The following CACNA1C variants were observed in gnomAD, a reference collection of about 807,000 sequenced individuals.
CACNA1C encodes calcium voltage-gated channel subunit alpha1 C, also known as voltage-dependent L-type calcium channel subunit alpha-1C.
A neutral mutation model predicts 229.0 loss-of-function variants in CACNA1C; 30 were observed. That is an observed-to-expected ratio of 0.13 (90% confidence interval 0.10 to 0.18). The LOEUF (loss-of-function observed/expected upper bound fraction) is 0.18, where lower values mean the gene tolerates loss of function less well. CACNA1C is among the 10% of genes least tolerant of loss of function. CACNA1C has a pLI of 1.00. For missense variants in CACNA1C, 1,658 were observed against 2,845.0 expected (o/e 0.58, Z 9.49); for synonymous variants, 1,114 against 1,132.5 (o/e 0.98, Z 0.33).
intron 5 of CACNA1C, among the ~76,000 whole-genome samples, chr12:2,475,650 A>G (rs2099623101): frequency 6.6e-6 from 1 of 152,238 alleles, no homozygotes; most frequent in Admixed American, 6.5e-5. Flanking sequence ...AACTAGAGAG[A>G]GGGCAGGGAA....
At chr12:2,430,600 C>T (rs562645611) in intron 3 of CACNA1C, among the ~76,000 whole-genome samples, 35 of 152,262 alleles carry the variant, frequency 2.3e-4, no homozygotes, top group African/African-American at 8.2e-4. Flanking sequence ...ATGTATGAGA[C>T]CCAATGCTGG....
intron 28 of CACNA1C, 135 bp from the exon 29 acceptor site, chr12:2,611,768 T>C: frequency 1.7e-6 from 1 of 605,708 alleles, no homozygotes. Flanking sequence ...CACGGAGAGG[T>C]GGGCGGCCCT....
At chr12:2,231,001 G>A (rs1261522032) in intron 3 of CACNA1C, among the ~76,000 whole-genome samples, 1 of 152,190 alleles carries the variant, frequency 6.6e-6, no homozygotes, top group African/African-American at 2.4e-5. Flanking sequence ...TTGCCACGCG[G>A]ACTATTGGGA....
rs538100334 is a variant in CACNA1C, at chr12:2,315,664, G to A, written c.478-133312G>A. 3.9e-5 allele frequency among the ~76,000 whole-genome samples: 6 copies of A among 152,316 alleles called. No individual in the cohort carries two copies. The South Asian group carries it at 1.2e-3, about 32-fold the overall frequency. On this transcript the variant is annotated intron_variant, in intron 3 of 46. Coordinates refer to ENST00000399655, the MANE Select transcript of CACNA1C (RefSeq NM_000719.7). ...CCATCCTCCCTTGAAGGGCTTGGGG[G>A]AAGGGGTGTAAAAGGGAAGAAAAAA...
chr12:2,123,338 C>T (rs148658933), intron 3 of CACNA1C, among the ~76,000 whole-genome samples: 1,632 of 143,008 alleles, frequency 0.011, 28 homozygotes, highest in African/African-American at 0.041. Context: ...ATCGCGCCAC[C>T]GCACTCCAGC....
rs1411421810 is a variant in CACNA1C, at chr12:2,106,301, C to T, written c.50-8923C>T. On this transcript the variant is annotated intron_variant, in intron 1 of 46. Transcript: ENST00000399655. ...GGGAGGATTTCTACCTCATCTGGGGCGTCCTGAAGCCACTGGGCACCCACC... is the reference window on the plus strand; with the variant it reads ...GGGAGGATTTCTACCTCATCTGGGGTGTCCTGAAGCCACTGGGCACCCACC... Among the ~76,000 whole-genome samples, 9 of 54,558 alleles carry T rather than the reference C, an allele frequency of 1.6e-4. 3 individuals are homozygous for T. The highest frequency in any genetic ancestry group is 3.5e-4 in the African/African-American group (6 of 17,146). The allele number at this position is 54,558 out of a possible 152,430, so 35.8% of individuals were successfully genotyped here.
rs538475497 is a variant in CACNA1C at position 2,490,355 on chromosome 12, G to A, written c.917-2835G>A. Among the ~76,000 whole-genome samples the A allele has an allele frequency of 6.6e-5, 10 of 152,312 alleles. No individual in the cohort carries two copies. The South Asian group carries it at 2.1e-3, about 32-fold the overall frequency. Reference sequence around the variant, plus strand: ...GATGTTTCAGGAACTGAGAGTGCAGGGAATGCTGTCAGATGAGTGGTCCCA... The same window carrying A: ...GATGTTTCAGGAACTGAGAGTGCAGAGAATGCTGTCAGATGAGTGGTCCCA... On this transcript the variant is annotated intron_variant, in intron 6 of 46. Transcript: ENST00000399655.
intron 3 of CACNA1C, among the ~76,000 whole-genome samples, chr12:2,191,485 A>G (rs2097209969): frequency 1.3e-5 from 2 of 152,108 alleles, no homozygotes; most frequent in African/African-American, 2.4e-5. Context: ...TAACCCAGAC[A>G]TGGGCCTGAT....
chr12:2,398,020 GC>G (rs1567450011), intron 3 of CACNA1C, among the ~76,000 whole-genome samples: 4 of 152,230 alleles, frequency 2.6e-5, no homozygotes, highest in African/African-American at 9.6e-5. Flanking sequence ...TCCATCACTG[GC>G]CCGAGGGCAG....
At chr12:2,499,917 C>G (rs2099755211) in intron 7 of CACNA1C, among the ~76,000 whole-genome samples, 1 of 152,158 alleles carries the variant, frequency 6.6e-6, no homozygotes, top group African/African-American at 2.4e-5. Flanking sequence ...AGCCACCCAG[C>G]TTTGTGTGCT....
intron 21 of CACNA1C, among the ~76,000 whole-genome samples, chr12:2,598,382 G>A (rs951564750): frequency 6.6e-6 from 1 of 152,186 alleles, no homozygotes; most frequent in South Asian, 2.1e-4. Flanking sequence ...CATTTTTCGG[G>A]TATATTTCTG....
At chr12:2,514,654 G>C (rs1489013200) in intron 9 of CACNA1C, among the ~76,000 whole-genome samples, 1 of 152,134 alleles carries the variant, frequency 6.6e-6, no homozygotes, top group Non-Finnish European at 1.5e-5. Flanking sequence ...CCCTAAGTCA[G>C]AGCACTGGTG....
At chr12:2,492,812 C>A (rs185686297) in intron 6 of CACNA1C, among the ~76,000 whole-genome samples, 1 of 152,316 alleles carries the variant, frequency 6.6e-6, no homozygotes, top group African/African-American at 2.4e-5. Context: ...GACTTCTAAT[C>A]GCTTTCTGGG....
intron 3 of CACNA1C, among the ~76,000 whole-genome samples, chr12:2,322,833 G>A (rs2096075432): frequency 6.6e-6 from 1 of 152,186 alleles, no homozygotes; most frequent in Non-Finnish European, 1.5e-5. Context: ...AAGTTAAGTG[G>A]GTGAATACAT....
At position 2,354,121 on chromosome 12, in the gene CACNA1C, G is replaced by A. The variant is rs1336503468; in HGVS notation, c.478-94855G>A. On this transcript the variant is annotated intron_variant, in intron 3 of 46. Transcript: ENST00000399655. The surrounding 1 kb of genome is among the most constrained non-coding windows in gnomAD (Gnocchi z 4.6). Reference sequence around the variant, plus strand: ...GCTCTGAAATGCTGATGGGGATGGAGTGGGGGCTGTCGGGAAGGACTGGAT... The same window carrying A: ...GCTCTGAAATGCTGATGGGGATGGAATGGGGGCTGTCGGGAAGGACTGGAT... 1.3e-5 allele frequency among the ~76,000 whole-genome samples: 2 copies of A among 152,166 alleles called. No homozygotes were observed. The highest frequency in any genetic ancestry group is 1.3e-4 in the Admixed American group (2 of 15,288).
intron 5 of CACNA1C, 78 bp downstream of exon 5, chr12:2,457,784 C>G: frequency 1.6e-6 from 2 of 1,263,060 alleles, no homozygotes; most frequent in Non-Finnish European, 2.1e-6. Context: ...GCCAAGAACA[C>G]TCTGCAAAGG....
At chr12:2,021,450 G>C (rs1392811144) in intron 1 of CACNA1C, among the ~76,000 whole-genome samples, 2 of 152,160 alleles carry the variant, frequency 1.3e-5, no homozygotes, top group Non-Finnish European at 2.9e-5. Context: ...GGGCTGAGGT[G>C]GGTGGATCAC....
At chr12:2,116,933 G>C (rs1025832341) in intron 2 of CACNA1C, among the ~76,000 whole-genome samples, 2 of 152,182 alleles carry the variant, frequency 1.3e-5, no homozygotes, top group Non-Finnish European at 2.9e-5. Context: ...AAAGAAGGTA[G>C]CCTAGAGATA....
chr12:2,165,799 T>G (rs1332294711), intron 3 of CACNA1C, among the ~76,000 whole-genome samples: 1 of 152,184 alleles, frequency 6.6e-6, no homozygotes, highest in East Asian at 1.9e-4. Flanking sequence ...GCACACAGTG[T>G]GCAGTAGGTG....
Sources: gnomAD v4.1 joint callset for allele counts (sites outside exome capture counted in the v4.1 genomes callset) on GRCh38, gnomAD v4.1.1 for gene constraint, Gnocchi (gnomAD v3.1) non-coding constraint, MANE v1.5 for transcripts, NCBI Gene and HGNC (gene_info 2026-07-23, HGNC 2026-07-21) for gene names.